Variants in TMCC1 observed in about 807,000 individuals in gnomAD.
The protein encoded by TMCC1 is transmembrane and coiled-coil domain family 1.
A neutral mutation model predicts 52.4 loss-of-function variants in TMCC1; 15 were observed. The observed-to-expected ratio is 0.29, with a 90% CI of 0.19 to 0.44. The LOEUF is 0.44. Among genes scored for constraint, TMCC1 ranks in the 20% least tolerant of loss-of-function variants. The pLI, the probability that TMCC1 is intolerant of heterozygous loss-of-function variation, is 1.00. For missense variants in TMCC1, 503 were observed against 806.0 expected (o/e 0.62, Z 4.55); for synonymous variants, 279 against 301.9 (o/e 0.92, Z 0.79).
chr3:129,690,870 G>A (rs571232964), intron 4 of TMCC1, among the ~76,000 whole-genome samples: 16 of 152,168 alleles, frequency 1.1e-4, no homozygotes, highest in Non-Finnish European at 2.2e-4. Context: ...TAGAGGTTCC[G>A]CCAAGATGGC....
chr3:129,703,822 A>G (rs2048020336), intron 4 of TMCC1, among the ~76,000 whole-genome samples: 1 of 152,216 alleles, frequency 6.6e-6, no homozygotes, highest in African/African-American at 2.4e-5. Flanking sequence ...AAGACATTTT[A>G]CTCTGCTGTA....
At chr3:129,723,080 A>C (rs564359623) in intron 4 of TMCC1, among the ~76,000 whole-genome samples, 3 of 152,330 alleles carry the variant, frequency 2.0e-5, no homozygotes, top group Non-Finnish European at 4.4e-5. Context: ...CATTTATAAG[A>C]TCAACTAAAA....
intron 4 of TMCC1, among the ~76,000 whole-genome samples, chr3:129,686,313 G>A (rs1396056118): frequency 6.6e-6 from 1 of 152,084 alleles, no homozygotes; most frequent in Non-Finnish European, 1.5e-5. Context: ...TGTTGGTCAG[G>A]CTGGTCTCGA....
At chr3:129,692,804 T>C (rs2047120308) in intron 4 of TMCC1, among the ~76,000 whole-genome samples, 1 of 152,224 alleles carries the variant, frequency 6.6e-6, no homozygotes, top group African/African-American at 2.4e-5. Context: ...CAAACTAAAG[T>C]AACAGTTTGT....
chr3:129,817,701 G>A (rs1004673744), intron 4 of TMCC1, among the ~76,000 whole-genome samples: 27 of 151,882 alleles, frequency 1.8e-4, no homozygotes, highest in African/African-American at 5.8e-4. Flanking sequence ...AGACTGGAGT[G>A]CAGTGGTGAG....
At chr3:129,777,084 A>G (rs1271956579) in intron 4 of TMCC1, among the ~76,000 whole-genome samples, 2 of 152,220 alleles carry the variant, frequency 1.3e-5, no homozygotes, top group African/African-American at 4.8e-5. Context: ...AAATAGGCCA[A>G]ACACTATCTA....
At chr3:129,759,697 G>A (rs1031387660) in intron 4 of TMCC1, among the ~76,000 whole-genome samples, 1 of 136,384 alleles carries the variant, frequency 7.3e-6, no homozygotes, top group Non-Finnish European at 1.5e-5. Context: ...ATGAGCCACT[G>A]CAGCCAGCCA....
At chr3:129,702,405 A>G (rs1295865695) in intron 4 of TMCC1, among the ~76,000 whole-genome samples, 1 of 152,166 alleles carries the variant, frequency 6.6e-6, no homozygotes, top group Non-Finnish European at 1.5e-5. Context: ...AAAAATATAT[A>G]TTGAGAAATT....
chr3:129,847,362 G>GT (rs1397211384), intron 2 of TMCC1: 3 of 152,160 alleles, frequency 2.0e-5, no homozygotes, highest in Non-Finnish European at 4.4e-5. Flanking sequence ...TTTAAAAACT[G>GT]TTTAAGTCAT....
intron 4 of TMCC1, chr3:129,794,252 C>T (rs1035584728): frequency 8.8e-6 from 4 of 454,716 alleles, no homozygotes; most frequent in Non-Finnish European, 1.8e-5. Flanking sequence ...CAGAACAGTT[C>T]CAGAGAAAAA....
intron 4 of TMCC1, among the ~76,000 whole-genome samples, chr3:129,750,025 T>A (rs921877005): frequency 6.6e-6 from 1 of 152,226 alleles, no homozygotes; most frequent in Non-Finnish European, 1.5e-5. Flanking sequence ...ATGCATATGA[T>A]GCATTATTAT....
At chr3:129,817,814 A>AT (rs559023834) in intron 4 of TMCC1, among the ~76,000 whole-genome samples, 5 of 150,770 alleles carry the variant, frequency 3.3e-5, no homozygotes, top group Admixed American at 6.6e-5. Flanking sequence ...CACCCAGCTA[A>AT]TTTTTTTTTC....
chr3:129,893,380 C>T (rs960776535), intron 1 of TMCC1, 114 bp downstream of exon 1: 5 of 152,432 alleles, frequency 3.3e-5, no homozygotes, highest in Non-Finnish European at 7.3e-5. Context: ...GAGGCCAGGC[C>T]CGCGTCCGCT....
chr3:129,690,080 T>G (rs1201464045), intron 4 of TMCC1, among the ~76,000 whole-genome samples: 2 of 152,334 alleles, frequency 1.3e-5, no homozygotes, highest in Non-Finnish European at 2.9e-5. Flanking sequence ...ATCTGTAATC[T>G]CACCACTTAG....
chr3:129,737,370 A>G (rs1050482038), intron 4 of TMCC1, among the ~76,000 whole-genome samples: 4 of 152,186 alleles, frequency 2.6e-5, no homozygotes, highest in Non-Finnish European at 4.4e-5. Context: ...AATCGCAGCT[A>G]CTCAGGAGAC....
intron 2 of TMCC1, among the ~76,000 whole-genome samples, chr3:129,870,718 CGGG>C (rs56383150): frequency 0.044 from 611 of 13,872 alleles, 48 homozygotes; most frequent in African/African-American, 0.079. Flanking sequence ...CGCGGGTTGG[CGGG>C]GGGGGGGGGG....
At chr3:129,781,285 T>C (rs984992225) in intron 4 of TMCC1, among the ~76,000 whole-genome samples, 2 of 152,222 alleles carry the variant, frequency 1.3e-5, no homozygotes, top group Non-Finnish European at 2.9e-5. Flanking sequence ...TAGGGTACTA[T>C]GCTTTCATTA....
At chr3:129,732,923 G>T (rs769527003) in intron 4 of TMCC1, among the ~76,000 whole-genome samples, 1 of 152,174 alleles carries the variant, frequency 6.6e-6, no homozygotes, top group African/African-American at 2.4e-5. Context: ...AGAACTGAAG[G>T]CTTCTCCTAG....
intron 4 of TMCC1, among the ~76,000 whole-genome samples, chr3:129,785,117 A>G (rs1246562294): frequency 3.9e-5 from 6 of 152,240 alleles, no homozygotes; most frequent in Admixed American, 3.9e-4. Flanking sequence ...GAACAAGTTG[A>G]TAACTGTATT....
Sources: gnomAD v4.1 joint callset for allele counts (sites outside exome capture counted in the v4.1 genomes callset) on GRCh38, gnomAD v4.1.1 for gene constraint, MANE v1.5 for transcripts, NCBI Gene and HGNC (gene_info 2026-07-23, HGNC 2026-07-21) for gene names.